SLC15A3: variants seen among roughly 807,000 people sequenced by gnomAD.
SLC15A3 encodes the protein osteoclast transporter.
Under a neutral mutation model 49.2 loss-of-function variants are expected in SLC15A3, and 39 were observed. That is an observed-to-expected ratio of 0.79 (90% CI 0.61 to 1.04). The LOEUF is 1.04. Ranked by LOEUF, SLC15A3 falls within the 50% of genes least tolerant of loss-of-function variation. The probability of loss-of-function intolerance (pLI) is 0.00; values close to 1 mark genes in which losing one functional copy is unlikely to be tolerated. For missense variants in SLC15A3, 758 were observed against 794.8 expected (o/e 0.95, Z 0.56); for synonymous variants, 339 against 367.0 (o/e 0.92, Z 0.87).
At chr11:60,937,416 T>C (rs377406054) in intron 7 of SLC15A3, 43 bp from the exon 8 acceptor site, 9 of 1,611,448 alleles carry the variant, frequency 5.6e-6, no homozygotes, top group Admixed American at 5.0e-5. Context: ...ACAGGGATCC[T>C]CTGTCTTGCG....
chr11:60,946,300 C>T (rs1197171113), intron 2 of SLC15A3, among the ~76,000 whole-genome samples: 2 of 152,106 alleles, frequency 1.3e-5, no homozygotes, highest in African/African-American at 4.8e-5. Context: ...GCCCCATCCT[C>T]ACACATTCTG....
At chr11:60,939,691 C>T in intron 5 of SLC15A3, 53 bp from the exon 6 acceptor site, 10 of 1,593,044 alleles carry the variant, frequency 6.3e-6, no homozygotes, top group Non-Finnish European at 7.7e-6. Context: ...GGCAGCTTAG[C>T]CCACAGAAGA....
chr11:60,937,839 T>C (rs1282961827), intron 7 of SLC15A3, 31 bp downstream of exon 7: 1 of 1,604,784 alleles, frequency 6.2e-7, no homozygotes, highest in Non-Finnish European at 8.5e-7. Context: ...CCTCCATCCA[T>C]GTCCCACTCC....
intron 1 of SLC15A3, 111 bp from the exon 2 acceptor site, chr11:60,946,932 T>C (rs1031323870): frequency 1.8e-6 from 2 of 1,127,908 alleles, no homozygotes; most frequent in Non-Finnish European, 1.2e-6. Flanking sequence ...GTGGTGGGCG[T>C]TCCGACACTT....
Position 60,942,034 on chromosome 11 carries a change from C to A in SLC15A3, c.1107+1G>T, listed in dbSNP as rs532977083. 49 of 1,613,714 alleles carry A rather than the reference C, an allele frequency of 3.0e-5. No individual in the cohort carries two copies. The South Asian group carries it at 5.3e-4, about 17-fold the overall frequency. ...TGCCGAACACATGCTTTATCTCTCACCGTGTAGCTGCTGCCCTGGGCTCTC... is the reference window on the plus strand; with the variant it reads ...TGCCGAACACATGCTTTATCTCTCAACGTGTAGCTGCTGCCCTGGGCTCTC... On this transcript the variant is annotated splice_donor_variant, in intron 4 of 7. Coordinates refer to ENST00000227880, the MANE Select transcript of SLC15A3 (RefSeq NM_016582.3). LOFTEE classifies it high-confidence loss of function.
intron 3 of SLC15A3, 128 bp downstream of exon 3, chr11:60,943,561 C>T (rs1056685379): frequency 1.9e-6 from 2 of 1,039,624 alleles, no homozygotes; most frequent in Non-Finnish European, 2.6e-6. Context: ...TGGTACGGGG[C>T]AGCACCTCAC....
intron 1 of SLC15A3, among the ~76,000 whole-genome samples, chr11:60,947,100 A>C (rs1856815573): frequency 6.9e-6 from 1 of 144,798 alleles, no homozygotes; most frequent in Non-Finnish European, 1.5e-5. Flanking sequence ...GCAGAGGAAC[A>C]CATACAACAG....
chr11:60,946,426 C>T (rs886488523), intron 2 of SLC15A3, 106 bp downstream of exon 2: 12 of 1,282,916 alleles, frequency 9.4e-6, no homozygotes, highest in Admixed American at 8.0e-5. Context: ...AAAAAGCTAT[C>T]ACTGTAGCTG....
At chr11:60,944,356 C>G (rs1590640041) in intron 2 of SLC15A3, among the ~76,000 whole-genome samples, 1 of 152,164 alleles carries the variant, frequency 6.6e-6, no homozygotes, top group East Asian at 1.9e-4. Context: ...AGGCCAGCAT[C>G]CTTACTATCA....
At chr11:60,942,713 A>C (rs1319876850) in intron 3 of SLC15A3, 1 of 152,742 alleles carries the variant, frequency 6.5e-6, no homozygotes, top group East Asian at 1.9e-4. Flanking sequence ...TGCTCAGGGC[A>C]GCAGCCATTT....
chr11:60,946,552 C>T lies in SLC15A3; in HGVS notation c.828G>A (p.Leu276=). Residue 276 remains leucine, a synonymous_variant, in exon 2 of 8, where the codon CTG becomes CTA. Coordinates refer to ENST00000227880, the MANE Select transcript of SLC15A3 (RefSeq NM_016582.3). ...KLALQNCCPQ[L]WQRHSARDRQ... ...CTTACCTGGCCGAGTGTCGTTGCCA[C>T]AGCTGGGGGCAGCAGTTTTGGAGAG... The T allele has an allele frequency of 6.4e-7, 1 of 1,574,690 alleles. No individual in the cohort carries two copies. Among genetic ancestry groups the T allele is most frequent in the Non-Finnish European group, 8.6e-7 (1 of 1,156,344 alleles).
At chr11:60,937,544 G>A (rs954501648) in intron 7 of SLC15A3, 171 bp from the exon 8 acceptor site, 4 of 865,968 alleles carry the variant, frequency 4.6e-6, no homozygotes, top group South Asian at 4.4e-5. Context: ...AGATCTCCAG[G>A]GGTGTCTACA....
In SLC15A3 at chr11:60,942,098, G is replaced by A. The variant is rs769772541; in HGVS notation, c.1044C>T (p.Asn348=). 4.3e-6 allele frequency: 7 copies of A among 1,614,034 alleles called. No individual in the cohort carries two copies. Among genetic ancestry groups the A allele is most frequent in the South Asian group, 1.1e-5 (1 of 91,086 alleles). ...TGTTGGCCGGGTTGGCTGGGAAAAT[G>A]TTTGGGATGTGGAGGTGAAGACCCT... The part of the protein sequence containing the change: ...VLQGLHLHIP[N]IFPANPANIS... Residue 348 remains asparagine, a synonymous_variant, in exon 4 of 8, where the codon AAC becomes AAT. Coordinates refer to ENST00000227880, the MANE Select transcript of SLC15A3 (RefSeq NM_016582.3).
chr11:60,938,568 C>T (rs1048852488), intron 6 of SLC15A3, among the ~76,000 whole-genome samples: 1 of 152,122 alleles, frequency 6.6e-6, no homozygotes, highest in Non-Finnish European at 1.5e-5. Flanking sequence ...CCGGCCAAAA[C>T]CCCCTGGAGA....
chr11:60,947,688 A>G (rs1856825056), intron 1 of SLC15A3: 1 of 152,174 alleles, frequency 6.6e-6, no homozygotes, highest in Non-Finnish European at 1.5e-5. Flanking sequence ...GGTCCCAGGC[A>G]CAGCCCCAAG....
chr11:60,944,440 C>T (rs1158002029), intron 2 of SLC15A3, among the ~76,000 whole-genome samples: 2 of 152,132 alleles, frequency 1.3e-5, no homozygotes, highest in Admixed American at 6.5e-5. Flanking sequence ...CACCATCACT[C>T]TTTTTCAATG....
chr11:60,939,815 C>G (rs1434425645), intron 5 of SLC15A3, 177 bp from the exon 6 acceptor site: 2 of 679,310 alleles, frequency 2.9e-6, no homozygotes, highest in Non-Finnish European at 4.9e-6. Flanking sequence ...TGACCAACTC[C>G]TCCCTTTTGG....
chr11:60,937,733 C>A (rs137931783), intron 7 of SLC15A3, 137 bp downstream of exon 7: 7 of 1,210,536 alleles, frequency 5.8e-6, no homozygotes, highest in Middle Eastern at 2.0e-4. Context: ...ACTGGCCAAG[C>A]CCGGGCTAGA....
chr11:60,947,542 A>C (rs1430645621), intron 1 of SLC15A3, among the ~76,000 whole-genome samples: 2 of 152,156 alleles, frequency 1.3e-5, no homozygotes, highest in Non-Finnish European at 2.9e-5. Context: ...ACATTATTAA[A>C]AATGTTGTAT....
Sources: gnomAD v4.1 joint callset for allele counts (sites outside exome capture counted in the v4.1 genomes callset) on GRCh38, gnomAD v4.1.1 for gene constraint, MANE v1.5 for transcripts, NCBI Gene and HGNC (gene_info 2026-07-23, HGNC 2026-07-21) for gene names.